Variants in DENND3 observed in about 807,000 individuals in gnomAD.
DENND3 encodes the protein DENN domain containing 3.
A neutral mutation model predicts 135.1 loss-of-function variants in DENND3; 88 were observed. The ratio of observed to expected loss-of-function variants is 0.65; its 90% confidence interval spans 0.55 to 0.78. DENND3 has a LOEUF of 0.78. Ranked by LOEUF, DENND3 falls within the 30% of genes least tolerant of loss-of-function variation. The pLI is 0.00. For missense variants in DENND3, 1,392 were observed against 1,688.4 expected, an observed-to-expected ratio of 0.82 and a Z score of 3.08; for synonymous variants, 693 against 712.3, an observed-to-expected ratio of 0.97 and a Z score of 0.43.
chr8:141,190,569 T>C, intron 20 of DENND3, 152 bp downstream of exon 20: 1 of 1,213,082 alleles, frequency 8.2e-7, no homozygotes, highest in Non-Finnish European at 1.1e-6. Context: ...CGCAGCAACC[T>C]TTACTCCACC....
Position 141,138,281 on chromosome 8 carries a change from C to T in DENND3, c.501+144C>T. The T allele has an allele frequency of 1.1e-6, 1 of 879,484 alleles. No homozygotes were observed. Among genetic ancestry groups the T allele is most frequent in the Middle Eastern group, 3.4e-4 (1 of 2,930 alleles). 54.5% of individuals were successfully genotyped at this position (879,484 alleles called of 1,614,324 possible). On this transcript the variant is annotated intron_variant, in intron 3 of 22. Coordinates refer to ENST00000519811, the MANE Select transcript of DENND3 (RefSeq NM_001352890.3). This position sits in a 1 kb window ranked among gnomAD's most constrained non-coding sequence, Gnocchi z 4.8. ...AAGTACATTCACAGCATTGTGCAAC[C>T]ACCACCAATGTCTAGGTCCAAAACG...
chr8:141,147,995 A>T (rs1452785051), intron 5 of DENND3, among the ~76,000 whole-genome samples: 1 of 152,210 alleles, frequency 6.6e-6, no homozygotes, highest in African/African-American at 2.4e-5. Flanking sequence ...AGTTGGTATA[A>T]TGCTTGTGAT....
At chr8:141,169,433 G>A (rs571149294) in intron 13 of DENND3, among the ~76,000 whole-genome samples, 2 of 152,366 alleles carry the variant, frequency 1.3e-5, no homozygotes, top group African/African-American at 4.8e-5. Context: ...CCTTGTCCGG[G>A]AGAATTGCTC....
chr8:141,161,863 C>A (rs1223003705), intron 9 of DENND3, among the ~76,000 whole-genome samples: 2 of 149,452 alleles, frequency 1.3e-5, no homozygotes, highest in East Asian at 3.9e-4. Context: ...TGCAGTGACG[C>A]CATCTGGGCT....
chr8:141,140,434 G>A (rs1017773335), intron 3 of DENND3, among the ~76,000 whole-genome samples: 1 of 152,188 alleles, frequency 6.6e-6, no homozygotes, highest in African/African-American at 2.4e-5. Context: ...TAACCACAAC[G>A]AATGAGGTTG....
In DENND3 at chr8:141,132,361, A is replaced by AT. The variant is rs899240844; in HGVS notation, c.102+3561dup. Among the ~76,000 whole-genome samples the AT allele has an allele frequency of 5.6e-4, 85 of 151,242 alleles. No homozygotes were observed. The East Asian group carries it at 6.2e-3, about 11-fold the overall frequency. ...CTCCTTTATTATTTCTATATTTATT[A>AT]TTTTTTTTTGTGGGGGATGGAGTTT... On this transcript the variant is annotated intron_variant, in intron 1 of 22. Coordinates refer to ENST00000519811, the MANE Select transcript of DENND3 (RefSeq NM_001352890.3).
Position 141,128,746 on chromosome 8 carries a change from G to T in DENND3, c.39G>T (p.Ser13=), listed in dbSNP as rs892402984. ...EAASPHLSLP[S]GLLELCALLG... is the part of the protein sequence containing the mutation. ...CGTCGCCGCACTTGTCGCTGCCCTC[G>T]GGGCTGCTGGAGCTCTGCGCGCTGC... Residue 13 remains serine (S), a synonymous_variant, in exon 1 of 23, where the codon TCG becomes TCT. Transcript: ENST00000519811. The surrounding 1 kb of genome is among the most constrained non-coding windows in gnomAD (Gnocchi z 4.5). 1.4e-6 allele frequency: 2 copies of T among 1,456,576 alleles called. No individual in the cohort carries two copies. The highest frequency in any genetic ancestry group is 1.8e-6 in the Non-Finnish European group (2 of 1,106,940). The allele number at this position is 1,456,576 out of a possible 1,614,324, so 90.2% of individuals were successfully genotyped here.
Position 141,174,955 on chromosome 8 carries a change from G to A in DENND3, c.2276-245G>A, listed in dbSNP as rs980412506. Among the ~76,000 whole-genome samples the A allele has an allele frequency of 6.6e-6, 1 of 152,214 alleles. No individual in the cohort carries two copies. The highest frequency in any genetic ancestry group is 6.5e-5 in the Admixed American group (1 of 15,288). On this transcript the variant is annotated intron_variant, in intron 13 of 22. Coordinates refer to ENST00000519811, the MANE Select transcript of DENND3 (RefSeq NM_001352890.3). The surrounding 1 kb of genome is among the most constrained non-coding windows in gnomAD (Gnocchi z 4.6). ...AGGTCCCGTGGCCATCCCAGAGCGG[G>A]CGGCTGGAAAGGGCTGCGGGCTCAG...
At chr8:141,158,410 C>CT (rs1819707223) in intron 8 of DENND3, 1 of 1,130,782 alleles carries the variant, frequency 8.8e-7, no homozygotes, top group Non-Finnish European at 1.1e-6. Context: ...GCATCCTCAT[C>CT]TTCTTGTTAG....
chr8:141,142,398 C>A (rs763658628), intron 4 of DENND3: 21 of 456,950 alleles, frequency 4.6e-5, no homozygotes, highest in African/African-American at 4.2e-4. Context: ...TTGCTTCTTG[C>A]AAAGCACAGT....
chr8:141,134,456 C>T (rs531059818), intron 1 of DENND3, among the ~76,000 whole-genome samples: 19 of 151,798 alleles, frequency 1.3e-4, no homozygotes, highest in South Asian at 2.1e-4. Flanking sequence ...CCACCATGCC[C>T]GGCTAATTTT....
rs1455590987 is a variant in DENND3 at position 141,166,109 on chromosome 8, C to G, written c.1554-81C>G. The G allele has an allele frequency of 4.3e-6, 6 of 1,395,482 alleles. No homozygotes were observed. Among genetic ancestry groups the G allele is most frequent in the Non-Finnish European group, 6.0e-6 (6 of 993,850 alleles). 86.4% of individuals were successfully genotyped at this position (1,395,482 alleles called of 1,614,324 possible). A position where few individuals can be genotyped will look rare whatever the true frequency, so the allele number is the denominator to read the frequency against. On this transcript the variant is annotated intron_variant, in intron 11 of 22. Coordinates refer to ENST00000519811, the MANE Select transcript of DENND3 (RefSeq NM_001352890.3). This position sits in a 1 kb window ranked among gnomAD's most constrained non-coding sequence, Gnocchi z 4.3. Reference sequence around the variant, plus strand: ...AGAGTGTCATGTGCTCTTCATCACACTGGGAAAAATGCTTAGTTTAGGCTT... The same window carrying G: ...AGAGTGTCATGTGCTCTTCATCACAGTGGGAAAAATGCTTAGTTTAGGCTT...
rs749315661 is a variant in DENND3, at chr8:141,168,221, C to T, written c.1971C>T (p.Leu657=). The change falls in exon 13 of 23, where the codon CTC becomes CTT. Residue 657 remains leucine, a synonymous_variant. Coordinates refer to ENST00000519811, the MANE Select transcript of DENND3 (RefSeq NM_001352890.3). This position sits in a 1 kb window ranked among gnomAD's most constrained non-coding sequence, Gnocchi z 6.2. Reference sequence around the variant, plus strand: ...TGCAGGGACAGCTGCTGAACGCCCTCTTGGACTTCCAGAATCTGTATAAAA... The same window carrying T: ...TGCAGGGACAGCTGCTGAACGCCCTTTTGGACTTCCAGAATCTGTATAAAA... ...YLMQGQLLNA[L]LDFQNLYKTD... 27 of 1,614,202 alleles carry T rather than the reference C, an allele frequency of 1.7e-5. 1 individual carries two copies. The South Asian group carries it at 2.4e-4, about 14-fold the overall frequency.
At chr8:141,189,198 G>A (rs3739227) in intron 19 of DENND3, 52 bp downstream of exon 19, 2 of 1,612,084 alleles carry the variant, frequency 1.2e-6, no homozygotes, top group Non-Finnish European at 1.7e-6. Flanking sequence ...TGGGTGGGCA[G>A]AAGGCACAGC....
At position 141,195,546 on chromosome 8, in the gene DENND3, GC is replaced by G. The variant is rs1589739376; in HGVS notation, c.*1314del. On this transcript the variant is annotated 3_prime_UTR_variant, in exon 23 of 23. Coordinates refer to ENST00000519811, the MANE Select transcript of DENND3 (RefSeq NM_001352890.3). ...TTCCCCCAAGGCTTGGCTTTGTGTAGCTACTAACTTCTTGGGGCATTCTGAG... is the reference window on the plus strand; with the variant it reads ...TTCCCCCAAGGCTTGGCTTTGTGTAGTACTAACTTCTTGGGGCATTCTGAG... 6.6e-6 allele frequency: 1 copy of G among 152,238 alleles called. No individual in the cohort carries two copies. Among genetic ancestry groups the G allele is most frequent in the East Asian group, 1.9e-4 (1 of 5,180 alleles). The allele number at this position is 152,238 out of a possible 1,614,324, so 9.4% of individuals were successfully genotyped here. A position where few individuals can be genotyped will look rare whatever the true frequency, so the allele number is the denominator to read the frequency against.
intron 1 of DENND3, among the ~76,000 whole-genome samples, chr8:141,132,055 A>C (rs1283964603): frequency 6.6e-6 from 1 of 152,154 alleles, no homozygotes; most frequent in Non-Finnish European, 1.5e-5. Context: ...AACCACCCAC[A>C]CATCTCTCAG....
Position 141,130,419 on chromosome 8 carries a change from G to A in DENND3, c.102+1610G>A, listed in dbSNP as rs913971595. ...CGCTGCAACATTTTCATGTTCCCAG[G>A]TCAAGTGAGAGTATGGACAGTCTGC... On this transcript the variant is annotated intron_variant, in intron 1 of 22. Transcript: ENST00000519811. The surrounding 1 kb of genome is among the most constrained non-coding windows in gnomAD (Gnocchi z 4.2). Among the ~76,000 whole-genome samples the A allele has an allele frequency of 3.9e-5, 6 of 151,972 alleles. No homozygotes were observed. Among genetic ancestry groups the A allele is most frequent in the African/African-American group, 7.3e-5 (3 of 41,352 alleles).
In DENND3 at chr8:141,167,582, G is replaced by C. The variant is rs902175786; in HGVS notation, c.1754-422G>C. On this transcript the variant is annotated intron_variant, in intron 12 of 22. Coordinates refer to ENST00000519811, the MANE Select transcript of DENND3 (RefSeq NM_001352890.3). The surrounding 1 kb of genome is among the most constrained non-coding windows in gnomAD (Gnocchi z 4.1). Reference sequence around the variant, plus strand: ...CCAGGCTGTGGAAGCCTCGGTTTCCGCATCTGTAGAACGGGACTATAGTAA... The same window carrying C: ...CCAGGCTGTGGAAGCCTCGGTTTCCCCATCTGTAGAACGGGACTATAGTAA... 6.6e-6 allele frequency among the ~76,000 whole-genome samples: 1 copy of C among 152,168 alleles called. No individual in the cohort carries two copies.
At chr8:141,183,314 C>G (rs1044757687) in intron 17 of DENND3, among the ~76,000 whole-genome samples, 2 of 152,194 alleles carry the variant, frequency 1.3e-5, no homozygotes, top group African/African-American at 4.8e-5. Context: ...GGCGCGATCA[C>G]ACCTCACTGC....
Sources: allele counts gnomAD v4.1 joint callset (sites outside exome capture counted in the v4.1 genomes callset), GRCh38; gene constraint gnomAD v4.1.1; non-coding constraint Gnocchi (gnomAD v3.1); transcripts MANE v1.5; gene names NCBI Gene and HGNC (gene_info 2026-07-23, HGNC 2026-07-21).